Variants in ANXA9 observed in about 807,000 individuals in gnomAD.
ANXA9 encodes the protein annexin A9, also known as annexin 31.
ANXA9 carries 47 observed loss-of-function variants against 51.8 expected under a neutral mutation model. The ratio of observed to expected loss-of-function variants is 0.91; its 90% CI spans 0.72 to 1.16. ANXA9 has a LOEUF of 1.16. ANXA9 is among the 50% of genes most tolerant of loss of function. ANXA9 has a pLI of 0.00. For synonymous variants in ANXA9, 154 were observed against 168.7 expected (o/e 0.91, Z 0.68); for missense variants, 361 against 424.7 (o/e 0.85, Z 1.32).
chr1:150,981,474 T>C (rs587687645), upstream of ANXA9, among the ~76,000 whole-genome samples: 85 of 152,256 alleles, frequency 5.6e-4, 2 homozygotes, highest in Non-Finnish European at 2.4e-4. Context: ...GGGCGGGGGC[T>C]CCACAGGGCT....
Position 150,988,180 on chromosome 1 carries a change from G to C in ANXA9, c.787G>C (p.Gly263Arg). 1 of 1,614,190 alleles carries C rather than the reference G, an allele frequency of 6.2e-7. No homozygotes were observed. Among genetic ancestry groups the C allele is most frequent in the Middle Eastern group, 1.6e-4 (1 of 6,062 alleles). The change falls in exon 11 of 14, where the codon GGC (glycine) becomes CGC (arginine). Residue 263 changes from glycine to arginine, a missense_variant. Gly to Arg is a moderately radical substitution (Grantham distance 125). Coordinates refer to ENST00000368947, the MANE Select transcript of ANXA9 (RefSeq NM_003568.3). The stretch of plus-strand genomic sequence containing the variant: ...TGGAGATGCTCAGGTGGCTCTGCTC[G>C]GCCTAGGTAGGGGCCTGCTCAGGAT... ...FHGDAQVALL[G>R]LASVIKNTPL...
At chr1:150,980,928 A>T (rs369627592), upstream of ANXA9, among the ~76,000 whole-genome samples, 203 of 151,602 alleles carry the variant, frequency 1.3e-3, 2 homozygotes, top group Non-Finnish European at 2.3e-3. Flanking sequence ...TATGAGTTCA[A>T]TAGTTTTTGG....
At chr1:150,994,279 G>A (rs1261606677) in intron 12 of ANXA9, among the ~76,000 whole-genome samples, 2 of 152,054 alleles carry the variant, frequency 1.3e-5, no homozygotes, top group African/African-American at 4.8e-5. Flanking sequence ...TATCTTTGGA[G>A]CTGCTCACCA....
chr1:150,986,604 G>C lies in ANXA9; in HGVS notation c.555G>C (p.Gly185=). 5 of 1,606,960 alleles carry C rather than the reference G, an allele frequency of 3.1e-6. No individual in the cohort carries two copies. Among genetic ancestry groups the C allele is most frequent in the Non-Finnish European group, 4.2e-6 (5 of 1,178,070 alleles). The change falls in exon 9 of 14, where the codon GGG becomes GGC. Residue 185 remains glycine, a splice_region_variant and synonymous_variant. Coordinates refer to ENST00000368947, the MANE Select transcript of ANXA9 (RefSeq NM_003568.3). ...CTAAGAACAGTTTCTCCTCCTAGGG[G>C]GGCCGTGACAGCTACTCTGGAATCA... ...LQDLLLALAK[G]GRDSYSGIID...
chr1:150,978,031 G>T (rs587719542), upstream of ANXA9, among the ~76,000 whole-genome samples: 9 of 152,244 alleles, frequency 5.9e-5, no homozygotes, highest in South Asian at 1.9e-3. Context: ...AGCTACTTTG[G>T]AGGCTGAGGC....
upstream of ANXA9, among the ~76,000 whole-genome samples, chr1:150,980,965 A>G (rs1671406183): frequency 6.6e-6 from 1 of 152,000 alleles, no homozygotes; most frequent in South Asian, 2.1e-4. Flanking sequence ...GGTTACATGG[A>G]TAAGTTCTTT....
rs587620555 is a variant in ANXA9 at position 150,983,026 on chromosome 1, G to C, written c.-16-64G>C. On this transcript the variant is annotated intron_variant, in intron 2 of 13. Transcript: ENST00000368947. ...AACCCAGGGTCCAGGGTCTCGGGGG[G>C]GTCATAAGGAGTCCCTGAAGGGCCA... 4 of 1,257,896 alleles carry C rather than the reference G, an allele frequency of 3.2e-6. No homozygotes were observed. The East Asian group carries it at 7.0e-5, about 22-fold the overall frequency. The allele number at this position is 1,257,896 out of a possible 1,614,324, so 77.9% of individuals were successfully genotyped here.
intron 9 of ANXA9, among the ~76,000 whole-genome samples, chr1:150,987,360 GCTCTCTCTCTCT>G (rs747093235): frequency 7.9e-6 from 1 of 126,566 alleles, no homozygotes; most frequent in Non-Finnish European, 1.7e-5. Flanking sequence ...CATCTCTCTC[GCTCTCTCTCTCT>G]CTCTCTCTCA....
rs898254384 is a variant in ANXA9, at chr1:150,986,201, A to G, written c.473-135A>G. On this transcript the variant is annotated intron_variant, in intron 7 of 13. Coordinates refer to ENST00000368947, the MANE Select transcript of ANXA9 (RefSeq NM_003568.3). ...ACTTGTGCCTTACATCCTGGGAATTAGCAGCCATCAAGCTACTCCAAGCAG... is the reference window on the plus strand; with the variant it reads ...ACTTGTGCCTTACATCCTGGGAATTGGCAGCCATCAAGCTACTCCAAGCAG... The G allele has an allele frequency of 1.6e-5, 11 of 684,262 alleles. No individual in the cohort carries two copies. The Middle Eastern group carries it at 8.8e-4, about 55-fold the overall frequency. The allele number at this position is 684,262 out of a possible 1,614,324, so 42.4% of individuals were successfully genotyped here. A position where few individuals can be genotyped will look rare whatever the true frequency, so the allele number is the denominator to read the frequency against.
In ANXA9 at chr1:150,983,961, T is replaced by G. The variant is rs758279562; in HGVS notation, c.173-14T>G. 1.9e-5 allele frequency: 31 copies of G among 1,609,126 alleles called. No homozygotes were observed. The highest frequency in any genetic ancestry group is 2.5e-5 in the Non-Finnish European group (30 of 1,177,866). On this transcript the variant is annotated splice_polypyrimidine_tract_variant and intron_variant, in intron 4 of 13. Transcript: ENST00000368947. ...AAAGACCCTGCTCACAGCACAGCCC[T>G]CATCTCGGTTCAGGCGTGGACCGCA...
rs140725687 is a variant in ANXA9, at chr1:150,982,350, C to T, written c.-143C>T. 5.0e-3 allele frequency: 770 copies of T among 153,296 alleles called. 11 individuals are homozygous for T. The highest frequency in any genetic ancestry group is 0.017 in the African/African-American group (713 of 41,604). 9.5% of individuals were successfully genotyped at this position (153,296 alleles called of 1,614,324 possible). On this transcript the variant is annotated 5_prime_UTR_variant, in exon 1 of 14. It adds an upstream start codon to the 5' untranslated region. Transcript: ENST00000368947. The stretch of plus-strand genomic sequence containing the variant: ...CAGGCAAGCTACCAGGCCACAACAA[C>T]GACACCCACCTCACCTCTGGCACCT...
intron 12 of ANXA9, among the ~76,000 whole-genome samples, chr1:150,993,246 A>C (rs1008192002): frequency 6.6e-6 from 1 of 152,004 alleles, no homozygotes; most frequent in African/African-American, 2.4e-5. Context: ...CTCTCATAAC[A>C]ACACATTACT....
chr1:150,989,124 C>T lies in ANXA9; in HGVS notation c.852+783C>T, dbSNP rs138632045. Among the ~76,000 whole-genome samples, 490 of 152,058 alleles carry T rather than the reference C, an allele frequency of 3.2e-3. 2 individuals carry two copies. The highest frequency in any genetic ancestry group is 0.01 in the African/African-American group (434 of 41,518). On this transcript the variant is annotated intron_variant, in intron 12 of 13. Transcript: ENST00000368947. ...CCTCCCAAATAGCTGGGATTACAGG[C>T]GCCCGCCACCACATTATCCTAATTT...
In ANXA9 at chr1:150,994,622, C is replaced by T. The variant is rs370938669; in HGVS notation, c.898C>T (p.Arg300Ter). The change falls in exon 13 of 14, where the codon CGA becomes TGA. Residue 300 changes from arginine to a stop codon, truncating the protein, a stop_gained. Transcript: ENST00000368947. LOFTEE classifies it high-confidence loss of function. The stretch of plus-strand genomic sequence containing the variant: ...AGTCCTGATTCGCATCCTTATCTCT[C>T]GATGTGAGACTGACCTTCTGAGTAT... ...YQVLIRILIS[R>*]CETDLLSIRA... The T allele has an allele frequency of 8.4e-5, 135 of 1,614,060 alleles. No homozygotes were observed. Among genetic ancestry groups the T allele is most frequent in the African/African-American group, 5.2e-4 (39 of 75,014 alleles).
upstream of ANXA9, among the ~76,000 whole-genome samples, chr1:150,981,059 A>G (rs1216508162): frequency 1.3e-5 from 2 of 152,040 alleles, no homozygotes; most frequent in East Asian, 1.9e-4. Context: ...GTCTCTCTCA[A>G]TCCTCCCATT....
At position 150,983,362 on chromosome 1, in the gene ANXA9, A is replaced by G. The variant is rs752168319; in HGVS notation, c.100A>G (p.Thr34Ala). The G allele has an allele frequency of 6.2e-7, 1 of 1,614,006 alleles. No homozygotes were observed. Among genetic ancestry groups the G allele is most frequent in the Non-Finnish European group, 8.5e-7 (1 of 1,179,946 alleles). The change falls in exon 4 of 14, where the codon ACC (threonine) becomes GCC (alanine). Residue 34 changes from threonine (T) to alanine (A), a missense_variant. Coordinates refer to ENST00000368947, the MANE Select transcript of ANXA9 (RefSeq NM_003568.3). ...GACTGCAGCGTGGGGGACCCTGGGC[A>G]CCCTCAGGACCTTCTTGAACTTCAG... The part of the protein sequence containing the change: ...SKTAAWGTLG[T>A]LRTFLNFSVD...
chr1:150,979,368 G>A (rs1272853222), upstream of ANXA9, among the ~76,000 whole-genome samples: 2 of 151,990 alleles, frequency 1.3e-5, no homozygotes, highest in African/African-American at 4.8e-5. Flanking sequence ...AACTCTGAAG[G>A]GTACAGAAAG....
rs755140312 is a variant in ANXA9 at position 150,986,674 on chromosome 1, T to G, written c.612+13T>G. On this transcript the variant is annotated intron_variant, in intron 9 of 13. Coordinates refer to ENST00000368947, the MANE Select transcript of ANXA9 (RefSeq NM_003568.3). ...ACAAGATGTCCAGGTGAGCAGGGGG[T>G]TTAGGAGTGTGCACAGCCGCCATGC... is the stretch of plus-strand genomic sequence containing the variant. 3.2e-6 allele frequency: 5 copies of G among 1,585,084 alleles called. No individual in the cohort carries two copies. Among genetic ancestry groups the G allele is most frequent in the Admixed American group, 4.0e-5 (2 of 49,970 alleles).
intron 10 of ANXA9, 59 bp from the exon 11 acceptor site, chr1:150,988,032 C>A (rs1671610086): frequency 6.2e-6 from 10 of 1,613,894 alleles, no homozygotes; most frequent in Non-Finnish European, 8.5e-6. Context: ...GAGGGCCCAT[C>A]CTTTCCAGAG....
Sources: allele counts gnomAD v4.1 joint callset (sites outside exome capture counted in the v4.1 genomes callset), GRCh38; gene constraint gnomAD v4.1.1; transcripts MANE v1.5; gene names NCBI Gene and HGNC (gene_info 2026-07-23, HGNC 2026-07-21).